Variants in PAFAH2 observed in about 807,000 individuals in gnomAD.
The protein encoded by PAFAH2 is platelet activating factor acetylhydrolase 2.
In PAFAH2, 42 loss-of-function variants were observed where a neutral mutation model predicts 49.0. That is an observed-to-expected ratio of 0.86 (90% confidence interval 0.67 to 1.11). The LOEUF (loss-of-function observed/expected upper bound fraction) is 1.11, where lower values mean the gene tolerates loss of function less well. PAFAH2 is among the 50% of genes least tolerant of loss of function. PAFAH2 has a pLI of 0.00. For missense variants in PAFAH2, 503 were observed against 501.8 expected, an observed-to-expected ratio of 1.00 and a Z score of -0.02; for synonymous variants, 184 against 181.3, an observed-to-expected ratio of 1.01 and a Z score of -0.12.
intron 5 of PAFAH2, 81 bp downstream of exon 5, chr1:25,984,379 T>G (rs1572358394): frequency 2.8e-6 from 3 of 1,061,074 alleles, no homozygotes; most frequent in East Asian, 2.5e-5. Context: ...GTCGAGAGGG[T>G]TAGAAATAGT....
intron 1 of PAFAH2, among the ~76,000 whole-genome samples, chr1:25,995,572 C>T (rs951525180): frequency 2.0e-5 from 3 of 152,142 alleles, no homozygotes; most frequent in South Asian, 2.1e-4. Flanking sequence ...ATGCAGCAGA[C>T]GCTTACTGAG....
chr1:25,968,577 A>C (rs1340647852), intron 10 of PAFAH2, among the ~76,000 whole-genome samples: 1 of 152,196 alleles, frequency 6.6e-6, no homozygotes, highest in African/African-American at 2.4e-5. Flanking sequence ...CAGAACAGCC[A>C]AACAAGTGCT....
chr1:25,962,433 T>C (rs1054471245), intron 10 of PAFAH2, among the ~76,000 whole-genome samples: 2 of 152,218 alleles, frequency 1.3e-5, no homozygotes, highest in African/African-American at 2.4e-5. Flanking sequence ...AATCTTATTA[T>C]GTAATTCAGG....
intron 3 of PAFAH2, among the ~76,000 whole-genome samples, chr1:25,988,629 C>T (rs967681531): frequency 1.3e-5 from 2 of 151,610 alleles, no homozygotes; most frequent in Non-Finnish European, 1.5e-5. Context: ...CAAGTGAAAC[C>T]CCGTCTCTAC....
intron 1 of PAFAH2, among the ~76,000 whole-genome samples, chr1:25,993,651 T>C (rs893045371): frequency 2.6e-5 from 4 of 152,194 alleles, no homozygotes; most frequent in Admixed American, 6.5e-5. Flanking sequence ...AAAAAGAAGC[T>C]AAGCTCCTGA....
chr1:25,986,257 T>C (rs2049779630), intron 4 of PAFAH2, among the ~76,000 whole-genome samples: 1 of 152,024 alleles, frequency 6.6e-6, no homozygotes, highest in South Asian at 2.1e-4. Context: ...ATCTTAAAGG[T>C]AATCTGGAAT....
chr1:25,963,557 T>C (rs531385106), intron 10 of PAFAH2, among the ~76,000 whole-genome samples: 1 of 152,182 alleles, frequency 6.6e-6, no homozygotes, highest in East Asian at 1.9e-4. Context: ...CAGGCTGGAG[T>C]GCAGTGGTCA....
chr1:25,974,681 A>T, intron 8 of PAFAH2, 31 bp from the exon 9 acceptor site: 4 of 1,596,868 alleles, frequency 2.5e-6, no homozygotes, highest in Non-Finnish European at 3.4e-6. Context: ...TGGAATTGCC[A>T]TGCGGATCCC....
intron 10 of PAFAH2, among the ~76,000 whole-genome samples, chr1:25,967,836 G>T (rs2049449538): frequency 6.6e-6 from 1 of 152,180 alleles, no homozygotes; most frequent in Non-Finnish European, 1.5e-5. Flanking sequence ...ACTTCAGCAT[G>T]AAATGAACCA....
At chr1:25,975,401 G>T (rs2049573564) in intron 8 of PAFAH2, among the ~76,000 whole-genome samples, 1 of 151,666 alleles carries the variant, frequency 6.6e-6, no homozygotes, top group Admixed American at 6.6e-5. Context: ...AACATAGCAA[G>T]ACACCATCTC....
chr1:25,964,184 A>G (rs1346576223), intron 10 of PAFAH2: 1 of 152,340 alleles, frequency 6.6e-6, no homozygotes, highest in African/African-American at 2.4e-5. Flanking sequence ...CTCTATGAAG[A>G]AAAGACTCTT....
chr1:25,962,162 G>A, intron 10 of PAFAH2, 79 bp from the exon 11 acceptor site: 6 of 1,207,906 alleles, frequency 5.0e-6, no homozygotes, highest in Non-Finnish European at 7.3e-6. Context: ...CATTGAAGGG[G>A]TCATCCTAGA....
At chr1:25,979,414 CA>C (rs1009514900) in intron 7 of PAFAH2, among the ~76,000 whole-genome samples, 4 of 151,654 alleles carry the variant, frequency 2.6e-5, no homozygotes, top group African/African-American at 9.7e-5. Flanking sequence ...CTCCTAGGCT[CA>C]AGGTCAAGCA....
chr1:25,972,762 A>G (rs1332916012), intron 9 of PAFAH2, 50 bp from the exon 10 acceptor site: 3 of 1,604,624 alleles, frequency 1.9e-6, no homozygotes, highest in East Asian at 4.5e-5. Context: ...TAGGGCATAC[A>G]GATGTGTGTT....
In PAFAH2 at chr1:25,972,688, A is replaced by G. The variant is rs1368767762; in HGVS notation, c.954T>C (p.Thr318=). 1 of 1,613,996 alleles carries G rather than the reference A, an allele frequency of 6.2e-7. No homozygotes were observed. ...TVLGSVHRSQ[T]DFAFVTGNLI... ...AGTTGCCAGTCACAAAAGCAAAGTC[A>G]GTTTGACTCCGATGAACAGAACCAC... is the stretch of plus-strand genomic sequence containing the variant. The change falls in exon 10 of 11, where the codon ACT becomes ACC. Residue 318 remains threonine, a synonymous_variant. Transcript: ENST00000374282.
intron 10 of PAFAH2, among the ~76,000 whole-genome samples, chr1:25,967,172 C>A (rs558840694): frequency 8.0e-4 from 122 of 151,918 alleles, no homozygotes; most frequent in Non-Finnish European, 1.4e-3. Context: ...ACAAGTGATT[C>A]AATTCCATGT....
At position 25,992,042 on chromosome 1, in the gene PAFAH2, A is replaced by T. The variant is rs1041477249; in HGVS notation, c.-47-1179T>A. Among the ~76,000 whole-genome samples, 99 of 152,184 alleles carry T rather than the reference A, an allele frequency of 6.5e-4. 9 individuals carry two copies. On this transcript the variant is annotated intron_variant, in intron 1 of 10. Transcript: ENST00000374282. Reference sequence around the variant, plus strand: ...TTCTTAACCATTACTGATCCTGCTCAGGGGGAGATTCAGTTATACAGATGC... The same window carrying T: ...TTCTTAACCATTACTGATCCTGCTCTGGGGGAGATTCAGTTATACAGATGC...
At chr1:25,981,746 C>T (rs1015450179) in intron 7 of PAFAH2, among the ~76,000 whole-genome samples, 1 of 152,154 alleles carries the variant, frequency 6.6e-6, no homozygotes, top group African/African-American at 2.4e-5. Flanking sequence ...TGATGCCTGG[C>T]GTGGTGGTTC....
At chr1:25,984,595 A>G (rs921741492) in intron 4 of PAFAH2, 67 bp from the exon 5 acceptor site, 12 of 1,249,902 alleles carry the variant, frequency 9.6e-6, no homozygotes, top group Admixed American at 3.5e-5. Flanking sequence ...CCTCATTCCA[A>G]CAATGCTCTG....
Sources: allele counts gnomAD v4.1 joint callset (sites outside exome capture counted in the v4.1 genomes callset), GRCh38; gene constraint gnomAD v4.1.1; transcripts MANE v1.5; gene names NCBI Gene and HGNC (gene_info 2026-07-23, HGNC 2026-07-21).